The following DPP10 variants were observed in gnomAD, a reference collection of about 807,000 sequenced individuals.
DPP10 encodes the protein dipeptidyl peptidase like 10, also known as inactive dipeptidyl peptidase 10.
A neutral mutation model predicts 120.9 loss-of-function variants in DPP10; 33 were observed. The observed-to-expected ratio is 0.27, with a 90% CI of 0.21 to 0.37. The LOEUF (loss-of-function observed/expected upper bound fraction) is 0.37, where lower values mean the gene tolerates loss of function less well. DPP10 is among the 10% of genes least tolerant of loss of function. The probability of loss-of-function intolerance (pLI) is 1.00; values close to 1 mark genes in which losing one functional copy is unlikely to be tolerated. For missense variants in DPP10, 816 were observed against 942.8 expected (o/e 0.87, Z 1.76); for synonymous variants, 337 against 326.1 (o/e 1.03, Z -0.36).
chr2:115,012,958 G>A (rs1020436594), intron 1 of DPP10, among the ~76,000 whole-genome samples: 2 of 152,180 alleles, frequency 1.3e-5, no homozygotes, highest in African/African-American at 2.4e-5. Context: ...CAACTTGCCA[G>A]TCTTTGTCTT....
chr2:115,346,524 A>G (rs1336273737), intron 3 of DPP10, among the ~76,000 whole-genome samples: 1 of 152,132 alleles, frequency 6.6e-6, no homozygotes, highest in Admixed American at 6.6e-5. Context: ...GCAGTCTTGG[A>G]TGGGTGCCCC....
At chr2:115,586,322 A>G (rs897078028) in intron 5 of DPP10, among the ~76,000 whole-genome samples, 3 of 152,134 alleles carry the variant, frequency 2.0e-5, no homozygotes, top group Non-Finnish European at 2.9e-5. Flanking sequence ...GCGAGACTCT[A>G]TCTCGATAAT....
intron 19 of DPP10, among the ~76,000 whole-genome samples, chr2:115,802,217 G>T (rs916385197): frequency 3.3e-5 from 5 of 152,150 alleles, no homozygotes; most frequent in Admixed American, 6.6e-5. Context: ...TATTTTATTT[G>T]CATAGAGGTG....
At chr2:115,792,408 C>G (rs978374636) in intron 19 of DPP10, among the ~76,000 whole-genome samples, 2 of 151,960 alleles carry the variant, frequency 1.3e-5, no homozygotes, top group Admixed American at 6.5e-5. Context: ...TATATACAAG[C>G]AATTTGTCCC....
rs79658388 is a variant in DPP10 at position 114,557,832 on chromosome 2, A to G, written c.60+114994A>G. Among the ~76,000 whole-genome samples the G allele has an allele frequency of 1.8e-3, 276 of 152,310 alleles. 2 individuals carry two copies. The highest frequency in any genetic ancestry group is 6.4e-3 in the African/African-American group (267 of 41,558). On this transcript the variant is annotated intron_variant, in intron 1 of 25. Transcript: ENST00000410059. ...GGGGCTCATGTAGGCCACAATCATG[A>G]TAGTCACCTAATTTGATCCTTATCT...
intron 1 of DPP10, among the ~76,000 whole-genome samples, chr2:114,504,276 T>C (rs1373374081): frequency 1.3e-5 from 2 of 152,238 alleles, no homozygotes; most frequent in African/African-American, 2.4e-5. Context: ...ATGAGACAAA[T>C]GTTCATTAAA....
At position 114,786,870 on chromosome 2, in the gene DPP10, A is replaced by T. The variant is rs139767042; in HGVS notation, c.60+344032A>T. 2.1e-3 allele frequency among the ~76,000 whole-genome samples: 313 copies of T among 152,316 alleles called. 2 individuals are homozygous for T. The highest frequency in any genetic ancestry group is 7.3e-3 in the African/African-American group (303 of 41,572). ...ATCCATGGGCTCTCCATCATTGTAT[A>T]GCTGCTGCCCTCAACCATTCTAATC... On this transcript the variant is annotated intron_variant, in intron 1 of 25. Transcript: ENST00000410059.
At chr2:115,612,019 C>A (rs1292527500) in intron 5 of DPP10, among the ~76,000 whole-genome samples, 1 of 152,022 alleles carries the variant, frequency 6.6e-6, no homozygotes, top group Non-Finnish European at 1.5e-5. Context: ...TATAACTATT[C>A]CAAATACATT....
intron 1 of DPP10, among the ~76,000 whole-genome samples, chr2:114,898,337 G>A (rs993155515): frequency 1.3e-5 from 2 of 151,764 alleles, no homozygotes; most frequent in African/African-American, 4.8e-5. Flanking sequence ...ATCACACTCT[G>A]GGGACTGTTG....
chr2:114,722,963 C>A (rs1383359211), intron 1 of DPP10, among the ~76,000 whole-genome samples: 1 of 151,794 alleles, frequency 6.6e-6, no homozygotes, highest in Admixed American at 6.6e-5. Context: ...TTGTTAAATA[C>A]CATATTGGAG....
At chr2:115,190,983 C>T (rs1411643727) in intron 1 of DPP10, among the ~76,000 whole-genome samples, 1 of 152,090 alleles carries the variant, frequency 6.6e-6, no homozygotes, top group Non-Finnish European at 1.5e-5. Context: ...GCGGAGAACT[C>T]AGGAGAGGAA....
chr2:115,736,050 C>T (rs1451490469), intron 8 of DPP10, among the ~76,000 whole-genome samples: 2 of 151,856 alleles, frequency 1.3e-5, no homozygotes, highest in African/African-American at 4.8e-5. Flanking sequence ...CATAATGAGC[C>T]CACAATGGTG....
intron 21 of DPP10, among the ~76,000 whole-genome samples, chr2:115,829,196 A>C (rs1461133996): frequency 6.6e-6 from 1 of 152,170 alleles, no homozygotes. Flanking sequence ...TGAGTTTAAT[A>C]GAGATGAGAG....
chr2:115,771,537 C>T (rs538806880), intron 13 of DPP10, among the ~76,000 whole-genome samples: 1 of 152,288 alleles, frequency 6.6e-6, no homozygotes, highest in South Asian at 2.1e-4. Context: ...CAGGGTATAT[C>T]CATACGAATG....
chr2:115,823,855 A>T (rs554630805), intron 21 of DPP10, among the ~76,000 whole-genome samples: 1 of 152,336 alleles, frequency 6.6e-6, no homozygotes, highest in South Asian at 2.1e-4. Flanking sequence ...GTTAAATCTC[A>T]ATGTAAAAAG....
intron 1 of DPP10, among the ~76,000 whole-genome samples, chr2:115,059,875 T>C (rs1031604929): frequency 6.6e-6 from 1 of 152,120 alleles, no homozygotes; most frequent in Admixed American, 6.6e-5. Context: ...TTTCTTTTAT[T>C]TGCAACAGAA....
intron 1 of DPP10, among the ~76,000 whole-genome samples, chr2:114,706,654 A>G (rs1028282795): frequency 6.6e-6 from 1 of 152,150 alleles, no homozygotes; most frequent in African/African-American, 2.4e-5. Context: ...TCGTTAACCT[A>G]ATTATATCTG....
At chr2:115,241,051 A>C (rs1167639264) in intron 1 of DPP10, among the ~76,000 whole-genome samples, 1 of 152,152 alleles carries the variant, frequency 6.6e-6, no homozygotes, top group African/African-American at 2.4e-5. Flanking sequence ...CAGGCAGATC[A>C]CGAGGTCAGG....
chr2:114,507,131 T>A (rs183198553), intron 1 of DPP10, among the ~76,000 whole-genome samples: 15 of 150,194 alleles, frequency 1.0e-4, no homozygotes, highest in African/African-American at 3.7e-4. Context: ...CACTGCAGCC[T>A]CCACCTCCTG....
Sources: gnomAD v4.1 joint callset for allele counts (sites outside exome capture counted in the v4.1 genomes callset) on GRCh38, gnomAD v4.1.1 for gene constraint, MANE v1.5 for transcripts, NCBI Gene and HGNC (gene_info 2026-07-23, HGNC 2026-07-21) for gene names.